AGK: variants seen among roughly 807,000 people sequenced by gnomAD.
AGK encodes acylglycerol kinase, mitochondrial.
AGK carries 52 observed loss-of-function variants against 66.4 expected under a neutral mutation model. That is an observed-to-expected ratio of 0.78 (90% confidence interval 0.63 to 0.99). AGK has a LOEUF of 0.99. Among genes scored for constraint, AGK ranks in the 50% least tolerant of loss-of-function variants. AGK has a pLI of 0.00. For missense variants in AGK, 451 were observed against 506.6 expected (o/e 0.89, Z 1.05); for synonymous variants, 182 against 181.1 (o/e 1.00, Z -0.04).
At chr7:141,581,688 C>T (rs1795883639) in intron 2 of AGK, among the ~76,000 whole-genome samples, 1 of 151,584 alleles carries the variant, frequency 6.6e-6, no homozygotes, top group Non-Finnish European at 1.5e-5. Flanking sequence ...TGGGGAGATA[C>T]AAGGGGAGGA....
chr7:141,615,764 C>T, intron 8 of AGK, 199 bp downstream of exon 8: 1 of 569,882 alleles, frequency 1.8e-6, no homozygotes, highest in South Asian at 2.1e-5. Context: ...TAATAAGTCT[C>T]CAGGTCAGGT....
intron 2 of AGK, 74 bp from the exon 3 acceptor site, chr7:141,593,072 A>G (rs901924074): frequency 1.3e-5 from 18 of 1,361,632 alleles, no homozygotes; most frequent in Non-Finnish European, 1.9e-5. Flanking sequence ...TTAAAAAATT[A>G]AAAAGCTCAC....
At chr7:141,626,593 A>G (rs371338054) in intron 9 of AGK, among the ~76,000 whole-genome samples, 79 of 152,346 alleles carry the variant, frequency 5.2e-4, no homozygotes, top group Middle Eastern at 6.8e-3. Flanking sequence ...CTATAACATC[A>G]CCTATGTATT....
intron 2 of AGK, among the ~76,000 whole-genome samples, chr7:141,588,191 T>C (rs1396385892): frequency 6.6e-6 from 1 of 152,218 alleles, no homozygotes; most frequent in Non-Finnish European, 1.5e-5. Flanking sequence ...GAGTATTGTC[T>C]GAAGTTTAGA....
chr7:141,650,487 T>A (rs1587177127), intron 14 of AGK: 1 of 985,308 alleles, frequency 1.0e-6, no homozygotes. Flanking sequence ...TGAAATCAAG[T>A]AATGTCTGTT....
chr7:141,585,322 G>C (rs955804405), intron 2 of AGK, among the ~76,000 whole-genome samples: 2 of 152,106 alleles, frequency 1.3e-5, no homozygotes, highest in Non-Finnish European at 2.9e-5. Flanking sequence ...GCAATATATA[G>C]TTTAGAAAAG....
chr7:141,618,254 T>C (rs1485939284), intron 8 of AGK, among the ~76,000 whole-genome samples: 4 of 152,328 alleles, frequency 2.6e-5, no homozygotes, highest in African/African-American at 9.6e-5. Flanking sequence ...TGATATCCAT[T>C]TGATACGTCC....
intron 8 of AGK, among the ~76,000 whole-genome samples, chr7:141,620,338 A>T (rs182789884): frequency 3.3e-5 from 5 of 152,344 alleles, no homozygotes; most frequent in Admixed American, 3.3e-4. Flanking sequence ...ATCATACCCC[A>T]ATAAATCTAA....
chr7:141,556,502 CT>C (rs1004850801), intron 2 of AGK, among the ~76,000 whole-genome samples: 1 of 149,486 alleles, frequency 6.7e-6, no homozygotes, highest in African/African-American at 2.5e-5. Context: ...GATCGGGCCA[CT>C]GCACTCTAGC....
At chr7:141,619,537 C>T (rs1366231249) in intron 8 of AGK, among the ~76,000 whole-genome samples, 1 of 151,960 alleles carries the variant, frequency 6.6e-6, no homozygotes, top group Non-Finnish European at 1.5e-5. Flanking sequence ...TAAAAATTAG[C>T]ATCAAATGGA....
At chr7:141,562,110 G>A (rs779713840) in intron 2 of AGK, 2 of 455,758 alleles carry the variant, frequency 4.4e-6, no homozygotes, top group Non-Finnish European at 8.8e-6. Context: ...GCTATAGATA[G>A]GTTTAGTGTG....
chr7:141,587,066 A>G (rs1364373920), intron 2 of AGK, among the ~76,000 whole-genome samples: 1 of 152,182 alleles, frequency 6.6e-6, no homozygotes, highest in Admixed American at 6.5e-5. Flanking sequence ...AACTAAGCTC[A>G]GTTTCCTCTC....
At chr7:141,579,320 A>C (rs550907355) in intron 2 of AGK, among the ~76,000 whole-genome samples, 1 of 152,034 alleles carries the variant, frequency 6.6e-6, no homozygotes, top group Middle Eastern at 3.2e-3. Flanking sequence ...AAGGGGTATG[A>C]GGGTTTCACT....
Position 141,604,403 on chromosome 7 carries a change from TACAC to T in AGK, c.297+3125_297+3128del, listed in dbSNP as rs1554400874. Among the ~76,000 whole-genome samples, 42 of 141,504 alleles carry T rather than the reference TACAC, an allele frequency of 3.0e-4. 1 individual carries two copies. Among genetic ancestry groups the T allele is most frequent in the African/African-American group, 1.0e-3 (39 of 38,278 alleles). The allele number at this position is 141,504 out of a possible 152,430, so 92.8% of individuals were successfully genotyped here. On this transcript the variant is annotated intron_variant, in intron 5 of 15. Transcript: ENST00000649286. ...ATATATATATATATATATATATATATACACATACATACACACACACACATATTAT... is the reference window on the plus strand; with the variant it reads ...ATATATATATATATATATATATATATATACATACACACACACACATATTAT...
chr7:141,629,690 A>G (rs761310194), intron 9 of AGK, among the ~76,000 whole-genome samples: 6 of 151,878 alleles, frequency 4.0e-5, no homozygotes, highest in Non-Finnish European at 7.4e-5. Flanking sequence ...AGCCATTCTC[A>G]CCTTTTGCTA....
At position 141,610,200 on chromosome 7, in the gene AGK, C is replaced by A. The variant is rs561399182; in HGVS notation, c.298-995C>A. ...GCCAGGCTGGTCTTGATCTCCTGAC[C>A]TCGTGATCCACCTGCCTTGGCCTCC... On this transcript the variant is annotated intron_variant, in intron 5 of 15. Coordinates refer to ENST00000649286, the MANE Select transcript of AGK (RefSeq NM_018238.4). Among the ~76,000 whole-genome samples, 3 of 152,242 alleles carry A rather than the reference C, an allele frequency of 2.0e-5. No homozygotes were observed. The South Asian group carries it at 6.2e-4, about 32-fold the overall frequency.
At chr7:141,632,238 A>C (rs1221140309) in intron 9 of AGK, among the ~76,000 whole-genome samples, 1 of 150,866 alleles carries the variant, frequency 6.6e-6, no homozygotes, top group Non-Finnish European at 1.5e-5. Context: ...TCTAAAAAAA[A>C]AAAAAACAAA....
Position 141,652,672 on chromosome 7 carries a change from C to CA in AGK, c.1132-115_1132-114insA. On this transcript the variant is annotated intron_variant, in intron 15 of 15. Transcript: ENST00000649286. ...TTGTAAAAGAACATTAGGATAGCTC[C>CA]TCAAGAGAGGATGTTGTTTTCCATA... 2.6e-6 allele frequency: 3 copies of CA among 1,157,850 alleles called. No individual in the cohort carries two copies. The South Asian group carries it at 4.4e-5, about 17-fold the overall frequency. The allele number at this position is 1,157,850 out of a possible 1,614,324, so 71.7% of individuals were successfully genotyped here.
intron 10 of AGK, among the ~76,000 whole-genome samples, chr7:141,636,110 T>C (rs1259687015): frequency 6.6e-6 from 1 of 152,228 alleles, no homozygotes; most frequent in African/African-American, 2.4e-5. Flanking sequence ...TTTAGCAATA[T>C]GCAATAGATT....
Sources: allele counts gnomAD v4.1 joint callset (sites outside exome capture counted in the v4.1 genomes callset), GRCh38; gene constraint gnomAD v4.1.1; transcripts MANE v1.5; gene names NCBI Gene and HGNC (gene_info 2026-07-23, HGNC 2026-07-21).